Variants in ASPHD1 observed in about 807,000 individuals in gnomAD.
ASPHD1 encodes aspartate beta-hydroxylase domain containing 1.
Under a neutral mutation model 28.3 loss-of-function variants are expected in ASPHD1, and 20 were observed. That is an observed-to-expected ratio of 0.71 (90% CI 0.50 to 1.03). The LOEUF (loss-of-function observed/expected upper bound fraction) is 1.03. Ranked by LOEUF, ASPHD1 falls within the 50% of genes least tolerant of loss-of-function variation. The pLI is 0.00. For synonymous variants in ASPHD1, 240 were observed against 221.2 expected, an observed-to-expected ratio of 1.08 and a Z score of -0.75; for missense variants, 479 against 524.1, an observed-to-expected ratio of 0.91 and a Z score of 0.84.
intron 3 of ASPHD1, chr16:29,911,994 C>T (rs759086438): frequency 2.3e-5 from 37 of 1,611,406 alleles, no homozygotes; most frequent in Admixed American, 2.0e-4. Flanking sequence ...CTGCTCCTCC[C>T]GGGGAGATGT....
At position 29,900,853 on chromosome 16, in the gene ASPHD1, A is replaced by T; in HGVS notation, c.-119A>T. On this transcript the variant is annotated 5_prime_UTR_variant, in exon 1 of 3. Transcript: ENST00000308748. ...AGGTGGGAGAGAGAAGCAGAGCGAGAGAGAGGAGGCTGCTGGAAGGAGAAA... is the reference window on the plus strand; with the variant it reads ...AGGTGGGAGAGAGAAGCAGAGCGAGTGAGAGGAGGCTGCTGGAAGGAGAAA... The T allele has an allele frequency of 1.1e-6, 1 of 872,604 alleles. No individual in the cohort carries two copies. Among genetic ancestry groups the T allele is most frequent in the Non-Finnish European group, 1.8e-6 (1 of 562,342 alleles). The allele number at this position is 872,604 out of a possible 1,614,324, so 54.1% of individuals were successfully genotyped here.
In ASPHD1 at chr16:29,901,389, C is replaced by A. The variant is rs761357504; in HGVS notation, c.418C>A (p.Pro140Thr). The stretch of plus-strand genomic sequence containing the variant: ...GGGTCCTGGGGATCCCGGGGAAGGA[C>A]CTAGGACGGAAGGCCTAGTGAGCCG... Reference protein sequence around the residue: ...PGGPGDPGEGPRTEGLVSRRL... With the variant: ...PGGPGDPGEGTRTEGLVSRRL... The change falls in exon 1 of 3, where the codon CCT becomes ACT. Residue 140 changes from proline (P) to threonine (T), a missense_variant. Coordinates refer to ENST00000308748, the MANE Select transcript of ASPHD1 (RefSeq NM_181718.4). This position sits in a 1 kb window ranked among gnomAD's most constrained non-coding sequence, Gnocchi z 5.1. 7.5e-6 allele frequency: 12 copies of A among 1,591,574 alleles called. No individual in the cohort carries two copies. The highest frequency in any genetic ancestry group is 1.3e-5 in the African/African-American group (1 of 74,286).
At chr16:29,911,888 G>A in intron 3 of ASPHD1, 1 of 1,611,806 alleles carries the variant, frequency 6.2e-7, no homozygotes, top group Non-Finnish European at 8.5e-7. Flanking sequence ...AGAGAGGATG[G>A]ACGAGAGGGG....
chr16:29,909,856 G>T (rs1295226180), downstream of ASPHD1, among the ~76,000 whole-genome samples: 1 of 151,646 alleles, frequency 6.6e-6, no homozygotes, highest in Non-Finnish European at 1.5e-5. Flanking sequence ...GATCACTTGA[G>T]GTCAGGGGTT....
At chr16:29,909,214 C>T (rs1434886360), downstream of ASPHD1, among the ~76,000 whole-genome samples, 1 of 152,134 alleles carries the variant, frequency 6.6e-6, no homozygotes, top group Non-Finnish European at 1.5e-5. Flanking sequence ...TGATAAAACA[C>T]TGTCTTTAGC....
At chr16:29,917,939 C>T (rs2068838566) in intron 3 of ASPHD1, among the ~76,000 whole-genome samples, 1 of 152,074 alleles carries the variant, frequency 6.6e-6, no homozygotes, top group African/African-American at 2.4e-5. Context: ...CAGATCAAGA[C>T]TCTGCCTCAA....
intron 3 of ASPHD1, among the ~76,000 whole-genome samples, chr16:29,919,211 T>C (rs776636069): frequency 5.3e-5 from 8 of 152,234 alleles, no homozygotes; most frequent in Non-Finnish European, 1.0e-4. Context: ...CGGGTCATTG[T>C]GCAGGACAAC....
downstream of ASPHD1, among the ~76,000 whole-genome samples, chr16:29,908,796 G>A (rs1248211055): frequency 2.6e-5 from 4 of 151,546 alleles, no homozygotes; most frequent in Admixed American, 6.6e-5. Flanking sequence ...TCAACCTCCC[G>A]GGCTCAAGTG....
At chr16:29,918,566 G>A (rs2068850239) in intron 3 of ASPHD1, among the ~76,000 whole-genome samples, 1 of 152,052 alleles carries the variant, frequency 6.6e-6, no homozygotes, top group African/African-American at 2.4e-5. Flanking sequence ...TGCCTCCCAG[G>A]TTCATATAAT....
At chr16:29,910,965 G>A (rs962784394), downstream of ASPHD1, 1 of 1,611,322 alleles carries the variant, frequency 6.2e-7, no homozygotes. Context: ...ATAGGCTCTG[G>A]AGCCCCTCTG....
chr16:29,910,483 A>T (rs1567440328), downstream of ASPHD1, among the ~76,000 whole-genome samples: 2 of 152,096 alleles, frequency 1.3e-5, no homozygotes, highest in African/African-American at 4.8e-5. Flanking sequence ...CTGGGATTAC[A>T]GGTGCATGCC....
At position 29,901,518 on chromosome 16, in the gene ASPHD1, G is replaced by A. The variant is rs898871544; in HGVS notation, c.547G>A (p.Gly183Ser). 6.3e-7 allele frequency: 1 copy of A among 1,589,450 alleles called. No homozygotes were observed. The highest frequency in any genetic ancestry group is 1.3e-5 in the African/African-American group (1 of 74,288). ...PGPGRGPGVL[G>S]IQRPGLLFLP... Reference sequence around the variant, plus strand: ...CCCTGGGAGAGGGCCAGGGGTCCTAGGTATTCAGCGCCCAGGCCTGCTTTT... The same window carrying A: ...CCCTGGGAGAGGGCCAGGGGTCCTAAGTATTCAGCGCCCAGGCCTGCTTTT... The change falls in exon 1 of 3, where the codon GGT (glycine) becomes AGT (serine). Residue 183 changes from glycine to serine, a missense_variant. Gly to Ser is a moderately conservative substitution (Grantham distance 56). Coordinates refer to ENST00000308748, the MANE Select transcript of ASPHD1 (RefSeq NM_181718.4). The surrounding 1 kb of genome is among the most constrained non-coding windows in gnomAD (Gnocchi z 5.1).
intron 1 of ASPHD1, 137 bp downstream of exon 1, chr16:29,902,057 C>A: frequency 3.1e-6 from 2 of 637,388 alleles, no homozygotes; most frequent in Non-Finnish European, 4.8e-6. Context: ...CCACCCACAG[C>A]AGCATTTCCT....
chr16:29,912,076 C>A, intron 3 of ASPHD1: 2 of 1,520,000 alleles, frequency 1.3e-6, no homozygotes, highest in African/African-American at 1.4e-5. Flanking sequence ...AGGTGGTTAA[C>A]AGCACAACCA....
At chr16:29,906,863 G>A, downstream of ASPHD1, 5 of 1,610,360 alleles carry the variant, frequency 3.1e-6, no homozygotes, top group Non-Finnish European at 4.2e-6. Flanking sequence ...GCAGGGGGAG[G>A]GTCAGAGGTC....
intron 2 of ASPHD1, 24 bp downstream of exon 2, chr16:29,904,989 G>A: frequency 9.0e-6 from 14 of 1,556,908 alleles, no homozygotes; most frequent in Non-Finnish European, 1.1e-5. Flanking sequence ...CATTCTGCAG[G>A]GGGGATGAGG....
chr16:29,909,350 G>A (rs998962410), downstream of ASPHD1, among the ~76,000 whole-genome samples: 2 of 152,188 alleles, frequency 1.3e-5, no homozygotes, highest in Admixed American at 1.3e-4. Flanking sequence ...CAGATAGAAG[G>A]AAAGAATTCC....
At chr16:29,910,954 C>A, downstream of ASPHD1, 1 of 1,604,312 alleles carries the variant, frequency 6.2e-7, no homozygotes, top group Non-Finnish European at 8.5e-7. Flanking sequence ...CAGCCCCCAA[C>A]ATAGGCTCTG....
chr16:29,901,866 G>T lies in ASPHD1; in HGVS notation c.895G>T (p.Ala299Ser). The T allele has an allele frequency of 6.5e-7, 1 of 1,535,848 alleles. No homozygotes were observed. Residue 299 changes from alanine to serine, a missense_variant, in exon 1 of 3, where the codon GCC (alanine) becomes TCC (serine). Ala to Ser is a moderately conservative substitution (Grantham distance 99, BLOSUM62 1). Transcript: ENST00000308748. The surrounding 1 kb of genome is among the most constrained non-coding windows in gnomAD (Gnocchi z 5.1). ...CGGCTTTTCCGTTCTCCTGCCTGGG[G>T]CCCGGCTCGAGGGCCGCTGTGGGCC... is the stretch of plus-strand genomic sequence containing the variant. Reference protein sequence around the residue: ...NAGFSVLLPGARLEGRCGPTN... With the variant: ...NAGFSVLLPGSRLEGRCGPTN...
Sources: allele counts gnomAD v4.1 joint callset (sites outside exome capture counted in the v4.1 genomes callset), GRCh38; gene constraint gnomAD v4.1.1; non-coding constraint Gnocchi (gnomAD v3.1); transcripts MANE v1.5; gene names NCBI Gene and HGNC (gene_info 2026-07-23, HGNC 2026-07-21).